Variants in ABAT observed in about 807,000 individuals in gnomAD.
The protein encoded by ABAT is 4-aminobutyrate aminotransferase, mitochondrial.
Under a neutral mutation model 64.6 loss-of-function variants are expected in ABAT, and 45 were observed. The ratio of observed to expected loss-of-function variants is 0.70; its 90% CI spans 0.55 to 0.89. ABAT has a LOEUF of 0.89. ABAT is among the 40% of genes least tolerant of loss of function. The pLI, the probability that ABAT is intolerant of heterozygous loss-of-function variation, is 0.00. For synonymous variants in ABAT, 297 were observed against 250.5 expected (o/e 1.19, Z -1.75); for missense variants, 633 against 658.4 (o/e 0.96, Z 0.42).
At chr16:8,729,312 C>CAAAAAT (rs780925958) in intron 1 of ABAT, among the ~76,000 whole-genome samples, 1 of 125,600 alleles carries the variant, frequency 8.0e-6, no homozygotes, top group Non-Finnish European at 1.7e-5. Context: ...TCAACAAAAA[C>CAAAAAT]AAAAACAGCT....
At chr16:8,681,891 C>G (rs1025630828) in intron 1 of ABAT, among the ~76,000 whole-genome samples, 3 of 152,126 alleles carry the variant, frequency 2.0e-5, no homozygotes, top group African/African-American at 7.2e-5. Context: ...ATCCACCCGC[C>G]TCGGCCTCCC....
At chr16:8,738,437 C>T (rs1298832163) in intron 2 of ABAT, 1 of 455,904 alleles carries the variant, frequency 2.2e-6, no homozygotes, top group Admixed American at 2.3e-5. Flanking sequence ...TCTTTTTCTG[C>T]TCCAGGATCC....
chr16:8,737,991 G>GAAA (rs55862439), intron 2 of ABAT, among the ~76,000 whole-genome samples: 700 of 14,850 alleles, frequency 0.047, 192 homozygotes, highest in Middle Eastern at 0.059. Context: ...GAAGGAAGGA[G>GAAA]GAAAGAAAGA....
At chr16:8,680,117 C>G (rs781694564) in intron 1 of ABAT, among the ~76,000 whole-genome samples, 7 of 152,116 alleles carry the variant, frequency 4.6e-5, no homozygotes, top group Non-Finnish European at 8.8e-5. Context: ...AAAACCATTT[C>G]TCCTCCTCCC....
intron 1 of ABAT, among the ~76,000 whole-genome samples, chr16:8,722,142 G>C (rs539034920): frequency 6.8e-4 from 103 of 152,322 alleles, no homozygotes; most frequent in African/African-American, 2.4e-3. Context: ...CTCTCTGCCA[G>C]TCTCTAGGGA....
rs569909024 is a variant in ABAT at position 8,748,515 on chromosome 16, G to C, written c.198+378G>C. Among the ~76,000 whole-genome samples the C allele has an allele frequency of 3.3e-5, 5 of 152,190 alleles. No individual in the cohort carries two copies. In the South Asian group the frequency reaches 8.3e-4, roughly 25 times the overall value. On this transcript the variant is annotated intron_variant, in intron 4 of 15. Transcript: ENST00000268251. ...GAAGAATCTATATTCTGCTGTTGTT[G>C]GGCAGAGTGTTCTATAGATGTTTCT...
intron 14 of ABAT, among the ~76,000 whole-genome samples, chr16:8,778,462 T>C (rs1302283197): frequency 2.0e-5 from 3 of 152,148 alleles, no homozygotes; most frequent in African/African-American, 7.2e-5. Flanking sequence ...GTCTCCAGAT[T>C]GTCTTCTTCT....
chr16:8,742,518 A>C (rs2059191808), intron 2 of ABAT, among the ~76,000 whole-genome samples: 1 of 152,136 alleles, frequency 6.6e-6, no homozygotes. Flanking sequence ...AGTTGGAATC[A>C]ATGCTGTCCA....
chr16:8,751,612 C>T (rs949601895), intron 5 of ABAT, among the ~76,000 whole-genome samples: 4 of 152,320 alleles, frequency 2.6e-5, no homozygotes, highest in Non-Finnish European at 5.9e-5. Context: ...CTTCACCAGC[C>T]AGTCATCGCC....
intron 1 of ABAT, among the ~76,000 whole-genome samples, chr16:8,711,847 G>A (rs571535001): frequency 4.2e-4 from 59 of 141,982 alleles, no homozygotes; most frequent in Non-Finnish European, 8.4e-4. Context: ...TGGGAAGATG[G>A]ATGGAGAGAT....
chr16:8,720,626 C>A (rs2058341871), intron 1 of ABAT: 1 of 152,254 alleles, frequency 6.6e-6, no homozygotes, highest in Admixed American at 6.5e-5. Flanking sequence ...CCCTGTTAAC[C>A]CCATCTGCAC....
At chr16:8,704,905 C>T (rs908213939) in intron 1 of ABAT, among the ~76,000 whole-genome samples, 3 of 152,034 alleles carry the variant, frequency 2.0e-5, no homozygotes, top group African/African-American at 4.8e-5. Context: ...AGGCTGGTCT[C>T]GAACTCCTGG....
intron 2 of ABAT, among the ~76,000 whole-genome samples, chr16:8,740,063 T>G (rs1420083): frequency 0.55 from 83,385 of 151,224 alleles, 23,277 homozygotes; most frequent in Admixed American, 0.62. Flanking sequence ...CAGCTTACTT[T>G]TAACCCATTT....
In ABAT at chr16:8,738,510, A is replaced by G. The variant is rs1054422633; in HGVS notation, c.70+2701A>G. 1.1e-5 allele frequency: 5 copies of G among 453,440 alleles called. No individual in the cohort carries two copies. In the Admixed American group the frequency reaches 1.2e-4, roughly 11 times the overall value. 28.1% of individuals were successfully genotyped at this position (453,440 alleles called of 1,614,324 possible). ...TCCATGGCCTCCTCTGGTCTGTGAC[A>G]GTTTCTCAGTCTTTTCCTTATTCTT... is the stretch of plus-strand genomic sequence containing the variant. On this transcript the variant is annotated intron_variant, in intron 2 of 15. Coordinates refer to ENST00000268251, the MANE Select transcript of ABAT (RefSeq NM_020686.6).
chr16:8,763,838 T>G (rs1444483938), intron 6 of ABAT, among the ~76,000 whole-genome samples: 6 of 152,196 alleles, frequency 3.9e-5, no homozygotes, highest in Non-Finnish European at 7.3e-5. Flanking sequence ...ATAACGCCAA[T>G]GCAATATGGC....
intron 1 of ABAT, among the ~76,000 whole-genome samples, chr16:8,732,852 C>A (rs1172807630): frequency 6.7e-6 from 1 of 149,666 alleles, no homozygotes; most frequent in Non-Finnish European, 1.5e-5. Flanking sequence ...GGCAGAGGGG[C>A]TCCTCACTTC....
At chr16:8,754,077 G>C (rs1412114759) in intron 5 of ABAT, among the ~76,000 whole-genome samples, 1 of 150,962 alleles carries the variant, frequency 6.6e-6, no homozygotes, top group Non-Finnish European at 1.5e-5. Flanking sequence ...TGGACACAGT[G>C]GCTCACGCCT....
chr16:8,688,452 C>G (rs1012134386), intron 1 of ABAT, among the ~76,000 whole-genome samples: 1 of 152,124 alleles, frequency 6.6e-6, no homozygotes. Context: ...CTTCCTGTAC[C>G]TTTATTCCTC....
At chr16:8,700,213 T>C (rs533356349) in intron 1 of ABAT, among the ~76,000 whole-genome samples, 3 of 152,320 alleles carry the variant, frequency 2.0e-5, no homozygotes, top group Non-Finnish European at 4.4e-5. Flanking sequence ...TTTTGCCCTC[T>C]CACAGCTTGT....
Sources: allele counts gnomAD v4.1 joint callset (sites outside exome capture counted in the v4.1 genomes callset), GRCh38; gene constraint gnomAD v4.1.1; transcripts MANE v1.5; gene names NCBI Gene and HGNC (gene_info 2026-07-23, HGNC 2026-07-21).